Variants in HGF observed in about 807,000 individuals in gnomAD.
HGF encodes hepatocyte growth factor.
HGF carries 39 observed loss-of-function variants against 111.6 expected under a neutral mutation model. The ratio of observed to expected loss-of-function variants is 0.35; its 90% confidence interval spans 0.27 to 0.46. The LOEUF is 0.46. Among genes scored for constraint, HGF ranks in the 20% least tolerant of loss-of-function variants. The pLI is 1.00. For missense variants in HGF, 735 were observed against 910.5 expected (o/e 0.81, Z 2.48); for synonymous variants, 285 against 294.8 (o/e 0.97, Z 0.34).
rs999976263 is a variant in HGF at position 81,747,895 on chromosome 7, T to C, written c.626-2775A>G. Among the ~76,000 whole-genome samples, 4 of 151,928 alleles carry C rather than the reference T, an allele frequency of 2.6e-5. No homozygotes were observed. The East Asian group carries it at 7.8e-4, about 30-fold the overall frequency. On this transcript the variant is annotated intron_variant, in intron 5 of 17. Transcript: ENST00000222390. ...CTGCACTGAGCCGAGATGGTGCCAC[T>C]GCACCACTCCAGCCTGGGCGACAGA...
intron 8 of HGF, among the ~76,000 whole-genome samples, chr7:81,726,366 A>G (rs985931291): frequency 1.3e-5 from 2 of 152,164 alleles, no homozygotes; most frequent in Non-Finnish European, 2.9e-5. Flanking sequence ...TTGGCCTGTT[A>G]TTTATTACAT....
intron 11 of HGF, among the ~76,000 whole-genome samples, chr7:81,713,529 C>T (rs540285719): frequency 1.1e-5 from 1 of 87,606 alleles, no homozygotes; most frequent in African/African-American, 4.8e-5. Context: ...CAGTGTGATA[C>T]TCTGTCTCAA....
Position 81,706,444 on chromosome 7 carries a change from A to G in HGF, c.1617-17T>C. ...TTCAAGTCTCTGTTTTGAAGGAAAA[A>G]AATTTAAATGTAAAACATAATAATT... On this transcript the variant is annotated splice_polypyrimidine_tract_variant and intron_variant, in intron 14 of 17. Coordinates refer to ENST00000222390, the MANE Select transcript of HGF (RefSeq NM_000601.6). The G allele has an allele frequency of 2.5e-6, 4 of 1,597,342 alleles. No homozygotes were observed. The highest frequency in any genetic ancestry group is 2.6e-6 in the Non-Finnish European group (3 of 1,165,362).
At chr7:81,733,672 A>G (rs746590428) in intron 7 of HGF, among the ~76,000 whole-genome samples, 29 of 152,148 alleles carry the variant, frequency 1.9e-4, no homozygotes, top group Non-Finnish European at 4.1e-4. Context: ...AGGCGAATAA[A>G]GATATATTAG....
At chr7:81,736,203 G>A (rs568943522) in intron 7 of HGF, among the ~76,000 whole-genome samples, 4 of 152,078 alleles carry the variant, frequency 2.6e-5, no homozygotes, top group South Asian at 2.1e-4. Context: ...GTGGTCAACC[G>A]TCATCCAAAA....
chr7:81,736,791 T>C (rs145643287), intron 7 of HGF: 103 of 459,304 alleles, frequency 2.2e-4, no homozygotes, highest in African/African-American at 1.7e-3. Context: ...TGAAGTCACA[T>C]ATAAGGTTAG....
Position 81,701,203 on chromosome 7 carries a change from G to A in HGF, c.*1378C>T, listed in dbSNP as rs1789270566. The stretch of plus-strand genomic sequence containing the variant: ...GTCTGTTACATATGGCATTAGGAGT[G>A]AACTTTGTAAAATGAAATAAGAAAA... On this transcript the variant is annotated 3_prime_UTR_variant, in exon 18 of 18. Transcript: ENST00000222390. 6.6e-6 allele frequency: 1 copy of A among 151,058 alleles called. No homozygotes were observed. Among genetic ancestry groups the A allele is most frequent in the Non-Finnish European group, 1.5e-5 (1 of 67,530 alleles). 9.4% of individuals were successfully genotyped at this position (151,058 alleles called of 1,614,324 possible). A position where few individuals can be genotyped will look rare whatever the true frequency, so the allele number is the denominator to read the frequency against.
chr7:81,730,332 G>A (rs1275402173), intron 7 of HGF, among the ~76,000 whole-genome samples: 1 of 152,136 alleles, frequency 6.6e-6, no homozygotes, highest in African/African-American at 2.4e-5. Flanking sequence ...GCAGGTGCCT[G>A]TAATCCCAGC....
chr7:81,719,012 A>G (rs1282406778), intron 10 of HGF, among the ~76,000 whole-genome samples: 1 of 152,216 alleles, frequency 6.6e-6, no homozygotes, highest in Non-Finnish European at 1.5e-5. Context: ...TAGATTTCTT[A>G]ACTGAGCTTA....
intron 8 of HGF, among the ~76,000 whole-genome samples, chr7:81,726,622 TTATA>T (rs1790019221): frequency 6.6e-6 from 1 of 152,222 alleles, no homozygotes; most frequent in Admixed American, 6.5e-5. Context: ...CCTAAAATCT[TTATA>T]TATATTTCTG....
At chr7:81,718,149 G>T (rs559141221) in intron 10 of HGF, among the ~76,000 whole-genome samples, 27 of 152,096 alleles carry the variant, frequency 1.8e-4, no homozygotes, top group Non-Finnish European at 3.4e-4. Context: ...TTGCTACCAT[G>T]CTTGAATATA....
rs988458277 is a variant in HGF at position 81,700,459 on chromosome 7, A to G, written c.*2122T>C. ...GTCTAAATACTTAGCTGTATCTTGT[A>G]TCTAGCTAATCTTTATCTGTATTTC... On this transcript the variant is annotated 3_prime_UTR_variant, in exon 18 of 18. Coordinates refer to ENST00000222390, the MANE Select transcript of HGF (RefSeq NM_000601.6). 1.3e-5 allele frequency: 2 copies of G among 151,644 alleles called. No homozygotes were observed. Among genetic ancestry groups the G allele is most frequent in the Non-Finnish European group, 3.0e-5 (2 of 67,690 alleles). The allele number at this position is 151,644 out of a possible 1,614,324, so 9.4% of individuals were successfully genotyped here. A position where few individuals can be genotyped will look rare whatever the true frequency, so the allele number is the denominator to read the frequency against.
At chr7:81,763,002 G>C (rs1469414823) in intron 1 of HGF, 130 bp from the exon 2 acceptor site, 2 of 646,104 alleles carry the variant, frequency 3.1e-6, no homozygotes, top group Non-Finnish European at 5.4e-6. Context: ...ATTTCCAGGG[G>C]TTAGGAGCAG....
At chr7:81,743,941 C>G (rs1788115436) in intron 6 of HGF, among the ~76,000 whole-genome samples, 1 of 152,188 alleles carries the variant, frequency 6.6e-6, no homozygotes, top group African/African-American at 2.4e-5. Flanking sequence ...GATCATGAGA[C>G]AAACTTCATC....
chr7:81,743,397 A>C lies in HGF; in HGVS notation c.821T>G (p.Leu274Arg). 1 of 1,613,656 alleles carries C rather than the reference A, an allele frequency of 6.2e-7. No individual in the cohort carries two copies. The highest frequency in any genetic ancestry group is 8.5e-7 in the Non-Finnish European group (1 of 1,179,580). Residue 274 changes from leucine to arginine, a missense_variant, in exon 7 of 18, where the codon CTT becomes CGT. This residue lies in a region of HGF where 553 missense variants were observed against 685.6 expected (regional missense o/e 0.81). Transcript: ENST00000222390. ...DGQPRPWCYT[L>R]DPHTRWEYCA... The stretch of plus-strand genomic sequence containing the variant: ...GTACTCCCAGCGGGTGTGAGGGTCA[A>C]GAGTATAGCACCATGGCCTCGGCTG...
intron 5 of HGF, among the ~76,000 whole-genome samples, chr7:81,747,564 T>C (rs1788321225): frequency 6.6e-6 from 1 of 152,230 alleles, no homozygotes; most frequent in Non-Finnish European, 1.5e-5. Context: ...AAGAATAATG[T>C]TACATTTTAG....
chr7:81,764,014 T>C (rs927314972), intron 1 of HGF, among the ~76,000 whole-genome samples: 1 of 152,130 alleles, frequency 6.6e-6, no homozygotes, highest in Non-Finnish European at 1.5e-5. Flanking sequence ...CATGTAACAC[T>C]TTCCTGAAAA....
At chr7:81,751,460 G>A in intron 5 of HGF, 1 of 978,942 alleles carries the variant, frequency 1.0e-6, no homozygotes, top group Non-Finnish European at 1.2e-6. Flanking sequence ...CTTTTATGCT[G>A]TGAGAAGAGC....
intron 11 of HGF, among the ~76,000 whole-genome samples, 165 bp downstream of exon 11, chr7:81,717,067 T>A (rs186604838): frequency 1.3e-5 from 2 of 152,276 alleles, no homozygotes; most frequent in South Asian, 4.1e-4. Context: ...AGAGAGACCA[T>A]GTGGTGTGTC....
Sources: allele counts gnomAD v4.1 joint callset (sites outside exome capture counted in the v4.1 genomes callset), GRCh38; gene constraint gnomAD v4.1.1; regional missense constraint gnomAD v4.1.1; transcripts MANE v1.5; gene names NCBI Gene and HGNC (gene_info 2026-07-23, HGNC 2026-07-21).